The following ANKRD36 variants were observed in gnomAD, a reference collection of about 807,000 sequenced individuals.
The protein encoded by ANKRD36 is ankyrin repeat domain-containing protein 36A.
ANKRD36 carries 179 observed loss-of-function variants against 278.1 expected under a neutral mutation model. The observed-to-expected ratio is 0.64, with a 90% CI of 0.57 to 0.73. ANKRD36 has a LOEUF of 0.73. Ranked by LOEUF, ANKRD36 falls within the 30% of genes least tolerant of loss-of-function variation. The pLI, the probability that ANKRD36 is intolerant of heterozygous loss-of-function variation, is 0.00. For synonymous variants in ANKRD36, 320 were observed against 641.1 expected, an observed-to-expected ratio of 0.50 and a Z score of 7.57; for missense variants, 1,159 against 1,956.7, an observed-to-expected ratio of 0.59 and a Z score of 7.69.
chr2:97,208,249 A>G lies in ANKRD36; in HGVS notation c.3265+243A>G, dbSNP rs573133594. Among the ~76,000 whole-genome samples the G allele has an allele frequency of 5.9e-4, 87 of 146,912 alleles. 2 individuals carry two copies. The South Asian group carries it at 0.014, about 23-fold the overall frequency. ...AAGAAGAATTATGGAGAGCAGTTCA[A>G]GGCATAAGGGGCTCTGGGGAACAAC... On this transcript the variant is annotated intron_variant, in intron 54 of 75. Coordinates refer to ENST00000420699, the MANE Select transcript of ANKRD36 (RefSeq NM_001354587.1).
intron 26 of ANKRD36, among the ~76,000 whole-genome samples, chr2:97,182,900 T>A (rs2443842): frequency 1.3e-5 from 2 of 151,678 alleles, no homozygotes; most frequent in African/African-American, 2.4e-5. Context: ...AATATTATAT[T>A]CAGGATTATC....
At position 97,180,547 on chromosome 2, in the gene ANKRD36, G is replaced by A. The variant is rs573922691; in HGVS notation, c.1735+614G>A. Among the ~76,000 whole-genome samples, 368 of 151,770 alleles carry A rather than the reference G, an allele frequency of 2.4e-3. 2 individuals are homozygous for A. The highest frequency in any genetic ancestry group is 8.6e-3 in the African/African-American group (355 of 41,478). ...GCTGCTCCAAGAACTACTGGAAGCA[G>A]GAAACAGTGCTAGAATCGGGATAAA... On this transcript the variant is annotated intron_variant, in intron 24 of 75. Transcript: ENST00000420699.
chr2:97,190,299 G>GAT lies in ANKRD36; in HGVS notation c.2246-674_2246-673dup, dbSNP rs545270137. Reference sequence around the variant, plus strand: ...AATTGATGATATTTTTATTGAGGCTGATATATTATCCTTTGGTGCCACGAC... The same window carrying GAT: ...AATTGATGATATTTTTATTGAGGCTGATATATATTATCCTTTGGTGCCACGAC... On this transcript the variant is annotated intron_variant, in intron 34 of 75. Transcript: ENST00000420699. Among the ~76,000 whole-genome samples, 524 of 90,810 alleles carry GAT rather than the reference G, an allele frequency of 5.8e-3. 78 individuals carry two copies. Among genetic ancestry groups the GAT allele is most frequent in the East Asian group, 0.029 (131 of 4,534 alleles). The allele number at this position is 90,810 out of a possible 152,430, so 59.6% of individuals were successfully genotyped here. A position where few individuals can be genotyped will look rare whatever the true frequency, so the allele number is the denominator to read the frequency against.
Position 97,191,201 on chromosome 2 carries a change from T to G in ANKRD36, c.2347+20T>G, listed in dbSNP as rs2058442143. 1 of 1,571,634 alleles carries G rather than the reference T, an allele frequency of 6.4e-7. No individual in the cohort carries two copies. The highest frequency in any genetic ancestry group is 1.4e-5 in the African/African-American group (1 of 73,418). On this transcript the variant is annotated intron_variant, in intron 36 of 75. Transcript: ENST00000420699. The stretch of plus-strand genomic sequence containing the variant: ...GGACAGGTAATTTTGCAAAAGACAT[T>G]TAATGTCATATTCAGTCCAGATAGA...
intron 22 of ANKRD36, among the ~76,000 whole-genome samples, chr2:97,174,728 T>G (rs2053721151): frequency 6.6e-6 from 1 of 151,782 alleles, no homozygotes. Flanking sequence ...ATGCTTCCAG[T>G]TTTTGCCCAT....
At chr2:97,191,442 G>T (rs13032546) in intron 36 of ANKRD36, among the ~76,000 whole-genome samples, 1 of 151,454 alleles carries the variant, frequency 6.6e-6, no homozygotes, top group Non-Finnish European at 1.5e-5. Flanking sequence ...AGGGGCTCTG[G>T]GGAACAGCAT....
At chr2:97,241,086 A>G (rs1349984507) in intron 68 of ANKRD36, among the ~76,000 whole-genome samples, 180 bp from the exon 69 acceptor site, 1,210 of 126,628 alleles carry the variant, frequency 9.6e-3, no homozygotes, top group Non-Finnish European at 0.015. Flanking sequence ...TTAAGCTAAA[A>G]CAATAGCAGA....
Position 97,124,610 on chromosome 2 carries a change from A to G in ANKRD36, c.731+13A>G, listed in dbSNP as rs1225023605. 5.2e-6 allele frequency: 8 copies of G among 1,545,500 alleles called. No individual in the cohort carries two copies. The highest frequency in any genetic ancestry group is 6.1e-6 in the Non-Finnish European group (7 of 1,144,914). On this transcript the variant is annotated intron_variant, in intron 5 of 75. Coordinates refer to ENST00000420699, the MANE Select transcript of ANKRD36 (RefSeq NM_001354587.1). ...CTAAGAATAGAGTGTAAGTCTTTAC[A>G]TAAAAAGGCTAGTGAACACTAAATT...
At chr2:97,231,162 G>A (rs1183092450) in intron 67 of ANKRD36, among the ~76,000 whole-genome samples, 2 of 152,106 alleles carry the variant, frequency 1.3e-5, no homozygotes, top group Admixed American at 1.3e-4. Context: ...AACCACTGCT[G>A]TCTTCAAAGC....
chr2:97,125,497 AAAT>A (rs1341903739), intron 5 of ANKRD36, among the ~76,000 whole-genome samples: 1 of 150,382 alleles, frequency 6.6e-6, no homozygotes, highest in African/African-American at 2.4e-5. Context: ...TCTTTAAAGC[AAAT>A]ATTAGTTGGG....
chr2:97,196,225 CAT>C (rs376628145), intron 40 of ANKRD36, among the ~76,000 whole-genome samples: 8 of 152,090 alleles, frequency 5.3e-5, no homozygotes, highest in East Asian at 3.9e-4. Flanking sequence ...GCGTGAAAGA[CAT>C]GTGAGATCAT....
In ANKRD36 at chr2:97,113,460, T is replaced by G. The variant is rs2034128605; in HGVS notation, c.-280T>G. On this transcript the variant is annotated 5_prime_UTR_variant, in exon 1 of 76. Coordinates refer to ENST00000420699, the MANE Select transcript of ANKRD36 (RefSeq NM_001354587.1). The stretch of plus-strand genomic sequence containing the variant: ...CCTCGCGCTCCAGGGAGCCCCGCCC[T>G]CCCGCGGCACCTCCGCAGCAACCGC... The G allele has an allele frequency of 2.1e-6, 1 of 485,082 alleles. No homozygotes were observed. Among genetic ancestry groups the G allele is most frequent in the Non-Finnish European group, 3.6e-6 (1 of 276,728 alleles). 30.0% of individuals were successfully genotyped at this position (485,082 alleles called of 1,614,324 possible). A position where few individuals can be genotyped will look rare whatever the true frequency, so the allele number is the denominator to read the frequency against.
rs2037207104 is a variant in ANKRD36, at chr2:97,122,661, T to G, written c.487-226T>G. Among the ~76,000 whole-genome samples the G allele has an allele frequency of 6.7e-5, 10 of 148,958 alleles. No homozygotes were observed. In the Admixed American group the frequency reaches 6.8e-4, roughly 10 times the overall value. On this transcript the variant is annotated intron_variant, in intron 3 of 75. Transcript: ENST00000420699. Reference sequence around the variant, plus strand: ...TCTTGGAACTGGGAAATGTTTGAAGTGAGTTTTGGAGATGACCAGAGTTCT... The same window carrying G: ...TCTTGGAACTGGGAAATGTTTGAAGGGAGTTTTGGAGATGACCAGAGTTCT...
rs1301268343 is a variant in ANKRD36, at chr2:97,124,346, T to C, written c.594-114T>C. On this transcript the variant is annotated intron_variant, in intron 4 of 75. Coordinates refer to ENST00000420699, the MANE Select transcript of ANKRD36 (RefSeq NM_001354587.1). ...AGCACCCAAGATGCTTGTTTCTTAG[T>C]ACATGTAATTGGGTTAATTCTACAT... The C allele has an allele frequency of 2.1e-5, 28 of 1,329,808 alleles. No individual in the cohort carries two copies. The East Asian group carries it at 7.1e-4, about 34-fold the overall frequency. The allele number at this position is 1,329,808 out of a possible 1,614,324, so 82.4% of individuals were successfully genotyped here. A position where few individuals can be genotyped will look rare whatever the true frequency, so the allele number is the denominator to read the frequency against.
rs2062732678 is a variant in ANKRD36, at chr2:97,205,965, G to A, written c.3087G>A (p.Leu1029=). 1 of 1,555,454 alleles carries A rather than the reference G, an allele frequency of 6.4e-7. No homozygotes were observed. Among genetic ancestry groups the A allele is most frequent in the Non-Finnish European group, 8.7e-7 (1 of 1,154,694 alleles). Residue 1029 remains leucine, a synonymous_variant, in exon 51 of 76, where the codon TTG becomes TTA. Transcript: ENST00000420699. Reference sequence around the variant, plus strand: ...TGTCTTCTCAGAAACCACCAACCTTGAAGGTAATGAAACTCCCATTTATAT... The same window carrying A: ...TGTCTTCTCAGAAACCACCAACCTTAAAGGTAATGAAACTCCCATTTATAT... The part of the protein sequence containing the change: ...RTVSSQKPPT[L]KATSDEEDSV...
At chr2:97,228,708 A>T (rs1184159221) in intron 67 of ANKRD36, among the ~76,000 whole-genome samples, 1 of 150,974 alleles carries the variant, frequency 6.6e-6, no homozygotes, top group Non-Finnish European at 1.5e-5. Context: ...TTGCTTTTCT[A>T]GTTCTTTTAA....
At chr2:97,147,636 A>T (rs999889459) in intron 11 of ANKRD36, among the ~76,000 whole-genome samples, 1 of 151,922 alleles carries the variant, frequency 6.6e-6, no homozygotes, top group Non-Finnish European at 1.5e-5. Flanking sequence ...TCATTCTGTC[A>T]TTGAGTGATT....
At chr2:97,123,242 A>G (rs1339708987) in intron 4 of ANKRD36, among the ~76,000 whole-genome samples, 2 of 150,744 alleles carry the variant, frequency 1.3e-5, no homozygotes, top group Non-Finnish European at 3.0e-5. Flanking sequence ...GCTTCTATAT[A>G]TAGAAAGCTC....
chr2:97,125,782 A>G (rs1389755926), intron 5 of ANKRD36, among the ~76,000 whole-genome samples: 3 of 151,914 alleles, frequency 2.0e-5, no homozygotes, highest in South Asian at 2.1e-4. Context: ...TTCGGATTCT[A>G]TTTCACAGGA....
Sources: gnomAD v4.1 joint callset for allele counts (sites outside exome capture counted in the v4.1 genomes callset) on GRCh38, gnomAD v4.1.1 for gene constraint, MANE v1.5 for transcripts, NCBI Gene and HGNC (gene_info 2026-07-23, HGNC 2026-07-21) for gene names.